LAMA2: variants seen among roughly 807,000 people sequenced by gnomAD.
The protein encoded by LAMA2 is laminin subunit alpha-2.
A neutral mutation model predicts 364.8 loss-of-function variants in LAMA2; 269 were observed. That is an observed-to-expected ratio of 0.74 (90% CI 0.67 to 0.82). The LOEUF (loss-of-function observed/expected upper bound fraction) is 0.82, where lower values mean the gene tolerates loss of function less well. Among genes scored for constraint, LAMA2 ranks in the 40% least tolerant of loss-of-function variants. The pLI, the probability that LAMA2 is intolerant of heterozygous loss-of-function variation, is 0.00. For missense variants in LAMA2, 3,807 were observed against 3,873.2 expected, an observed-to-expected ratio of 0.98 and a Z score of 0.45; for synonymous variants, 1,379 against 1,370.6, an observed-to-expected ratio of 1.01 and a Z score of -0.14.
intron 9 of LAMA2, among the ~76,000 whole-genome samples, chr6:129,168,393 T>G (rs1474665037): frequency 6.6e-6 from 1 of 152,202 alleles, no homozygotes; most frequent in Non-Finnish European, 1.5e-5. Context: ...GGCTAGCCAG[T>G]TCTCCCAGCA....
intron 12 of LAMA2, among the ~76,000 whole-genome samples, chr6:129,219,748 G>A (rs1305813573): frequency 9.6e-4 from 114 of 119,232 alleles, no homozygotes; most frequent in Non-Finnish European, 1.5e-3. Context: ...AACACCACAT[G>A]TTCTCACTCA....
intron 60 of LAMA2, among the ~76,000 whole-genome samples, chr6:129,504,829 T>G (rs1346364748): frequency 2.0e-5 from 3 of 152,210 alleles, no homozygotes; most frequent in African/African-American, 7.2e-5. Flanking sequence ...CTAATGCACT[T>G]TTAAAACTGT....
chr6:128,907,684 G>A (rs913122055), intron 1 of LAMA2, among the ~76,000 whole-genome samples: 5 of 152,124 alleles, frequency 3.3e-5, no homozygotes, highest in East Asian at 1.9e-4. Context: ...GAATAGGAGT[G>A]GTGAGAGAGG....
intron 32 of LAMA2, among the ~76,000 whole-genome samples, chr6:129,359,890 G>T (rs1172285718): frequency 1.3e-5 from 2 of 152,012 alleles, no homozygotes; most frequent in African/African-American, 2.4e-5. Flanking sequence ...AGTATTTTGT[G>T]CTAATTGCTA....
At chr6:129,226,563 A>C (rs1784295779) in intron 12 of LAMA2, among the ~76,000 whole-genome samples, 1 of 151,746 alleles carries the variant, frequency 6.6e-6, no homozygotes, top group African/African-American at 2.4e-5. Flanking sequence ...CTTGTCTGTA[A>C]AGTATTTTAT....
intron 12 of LAMA2, among the ~76,000 whole-genome samples, chr6:129,197,516 G>A (rs1024027707): frequency 1.1e-4 from 17 of 152,168 alleles, no homozygotes; most frequent in Admixed American, 2.0e-4. Context: ...TTTCTGGGCC[G>A]AACCAATGTG....
chr6:129,121,227 G>A (rs1325538629), intron 4 of LAMA2, among the ~76,000 whole-genome samples: 1 of 152,142 alleles, frequency 6.6e-6, no homozygotes, highest in Non-Finnish European at 1.5e-5. Context: ...CCTCATCACT[G>A]TGCTTGTTCC....
intron 12 of LAMA2, among the ~76,000 whole-genome samples, chr6:129,222,409 T>C (rs1783919602): frequency 6.6e-6 from 1 of 151,878 alleles, no homozygotes; most frequent in Non-Finnish European, 1.5e-5. Context: ...TTGTTATGTA[T>C]GTGTACATGT....
chr6:129,443,948 G>A (rs750364824), intron 44 of LAMA2, among the ~76,000 whole-genome samples: 1 of 151,974 alleles, frequency 6.6e-6, no homozygotes, highest in Non-Finnish European at 1.5e-5. Flanking sequence ...TTAACTTAAA[G>A]AATGAAAAAG....
At chr6:129,203,734 C>A (rs1252624497) in intron 12 of LAMA2, among the ~76,000 whole-genome samples, 3 of 152,230 alleles carry the variant, frequency 2.0e-5, no homozygotes, top group African/African-American at 7.2e-5. Flanking sequence ...TTGTGGTTAC[C>A]TTTGATTAGT....
chr6:129,366,570 A>AC lies in LAMA2; in HGVS notation c.4860+215dup, dbSNP rs1318120506. 3.3e-4 allele frequency among the ~76,000 whole-genome samples: 50 copies of AC among 152,000 alleles called. 1 individual carries two copies. Among genetic ancestry groups the AC allele is most frequent in the African/African-American group, 9.4e-4 (39 of 41,464 alleles). ...CTATTAAGGGAAAAGAGTCTCATGT[A>AC]CCCCCCAGTGTCTGGCCTAAATCAG... On this transcript the variant is annotated intron_variant, in intron 33 of 64. Transcript: ENST00000421865.
chr6:128,908,324 G>T (rs1265007753), intron 1 of LAMA2, among the ~76,000 whole-genome samples: 1 of 151,774 alleles, frequency 6.6e-6, no homozygotes, highest in African/African-American at 2.4e-5. Context: ...CCTGTTATTT[G>T]TCTATTCAGA....
chr6:129,154,668 C>G lies in LAMA2; in HGVS notation c.1191C>G (p.Phe397Leu). 1 of 1,613,866 alleles carries G rather than the reference C, an allele frequency of 6.2e-7. No homozygotes were observed. The highest frequency in any genetic ancestry group is 8.5e-7 in the Non-Finnish European group (1 of 1,179,838). ...ACTGCGAGACATGTACTGATGGCTT[C>G]TTCAGACCCAAAGGGGTAAAGTATG... ...GINCETCTDGFFRPKGVSPNY... is the reference protein window; with the variant it reads ...GINCETCTDGLFRPKGVSPNY... Residue 397 changes from phenylalanine (F) to leucine (L), a missense_variant, in exon 8 of 65, where the codon TTC becomes TTG. Phe to Leu is a conservative substitution (Grantham distance 22). Coordinates refer to ENST00000421865, the MANE Select transcript of LAMA2 (RefSeq NM_000426.4).
intron 1 of LAMA2, among the ~76,000 whole-genome samples, chr6:128,948,618 G>A (rs1780624638): frequency 6.6e-6 from 1 of 152,178 alleles, no homozygotes; most frequent in East Asian, 1.9e-4. Flanking sequence ...ATGTTGAAAT[G>A]GTATTCCCAG....
At chr6:129,468,927 C>T (rs1368109080) in intron 51 of LAMA2, among the ~76,000 whole-genome samples, 1 of 151,848 alleles carries the variant, frequency 6.6e-6, no homozygotes, top group Non-Finnish European at 1.5e-5. Flanking sequence ...AAGGCACTAA[C>T]TGAGCCCTAA....
intron 45 of LAMA2, among the ~76,000 whole-genome samples, chr6:129,450,132 T>C (rs1415924763): frequency 6.6e-6 from 1 of 151,344 alleles, no homozygotes; most frequent in Non-Finnish European, 1.5e-5. Flanking sequence ...CAACCCCCTT[T>C]TCAACACACT....
chr6:129,444,424 G>A (rs1432850246), intron 44 of LAMA2, among the ~76,000 whole-genome samples: 1 of 152,124 alleles, frequency 6.6e-6, no homozygotes, highest in Admixed American at 6.5e-5. Flanking sequence ...TTTATTAAAA[G>A]CATACAAAAT....
intron 31 of LAMA2, among the ~76,000 whole-genome samples, chr6:129,352,486 A>C (rs1178724790): frequency 6.6e-6 from 1 of 152,254 alleles, no homozygotes. Context: ...AAAGATGAAT[A>C]AAAGTAAACA....
At chr6:129,126,445 A>G (rs1158655475) in intron 4 of LAMA2, among the ~76,000 whole-genome samples, 2 of 152,216 alleles carry the variant, frequency 1.3e-5, no homozygotes, top group African/African-American at 4.8e-5. Flanking sequence ...TAAAAATAAA[A>G]TGTTTCTTGA....
Sources: allele counts gnomAD v4.1 joint callset (sites outside exome capture counted in the v4.1 genomes callset), GRCh38; gene constraint gnomAD v4.1.1; transcripts MANE v1.5; gene names NCBI Gene and HGNC (gene_info 2026-07-23, HGNC 2026-07-21).